Variants in PCDH15 observed in about 807,000 individuals in gnomAD.
The protein encoded by PCDH15 is protocadherin-15.
PCDH15 carries 129 observed loss-of-function variants against 178.5 expected under a neutral mutation model. That is an observed-to-expected ratio of 0.72 (90% CI 0.63 to 0.84). The LOEUF is 0.84. Among genes scored for constraint, PCDH15 ranks in the 40% least tolerant of loss-of-function variants. PCDH15 has a pLI of 0.00. For missense variants in PCDH15, 2,230 were observed against 2,099.9 expected, an observed-to-expected ratio of 1.06 and a Z score of -1.21; for synonymous variants, 800 against 732.0, an observed-to-expected ratio of 1.09 and a Z score of -1.50.
chr10:54,134,764 A>C (rs2133086286), intron 14 of PCDH15, among the ~76,000 whole-genome samples: 1 of 151,810 alleles, frequency 6.6e-6, no homozygotes, highest in East Asian at 1.9e-4. Flanking sequence ...AAAAAAGAAA[A>C]AAAAAAAAAA....
At chr10:54,501,975 A>G (rs2080737011) in intron 3 of PCDH15, among the ~76,000 whole-genome samples, 1 of 151,916 alleles carries the variant, frequency 6.6e-6, no homozygotes, top group Non-Finnish European at 1.5e-5. Context: ...GCTCTTCTTA[A>G]TATAATATGT....
intron 2 of PCDH15, among the ~76,000 whole-genome samples, chr10:54,538,223 C>A (rs2084792966): frequency 6.6e-6 from 1 of 152,096 alleles, no homozygotes; most frequent in African/African-American, 2.4e-5. Context: ...CCTAGGCTTC[C>A]TTTTAAGATT....
At chr10:55,483,538 A>G (rs2132120559) in intron 2 of PCDH15, among the ~76,000 whole-genome samples, 1 of 151,962 alleles carries the variant, frequency 6.6e-6, no homozygotes, top group Admixed American at 6.6e-5. Flanking sequence ...GTGGGAGTGT[A>G]AATTAGTTCA....
intron 26 of PCDH15, among the ~76,000 whole-genome samples, chr10:53,877,177 G>A (rs2080309303): frequency 6.6e-6 from 1 of 151,864 alleles, no homozygotes; most frequent in African/African-American, 2.4e-5. Context: ...TTTTAAAAAT[G>A]TTTTGTAAAA....
At position 53,822,468 on chromosome 10, in the gene PCDH15, A is replaced by G. The variant is rs544669765; in HGVS notation, c.4368-2238T>C. 2.5e-6 allele frequency: 4 copies of G among 1,605,276 alleles called. No homozygotes were observed. ...AGCAGGAGGAGGAGAAGGAGGAGAA[A>G]TAGGAGGAGGAGGGGGAAGGGGACA... is the stretch of plus-strand genomic sequence containing the variant. On this transcript the variant is annotated intron_variant, in intron 32 of 37. Transcript: ENST00000644397.
At chr10:55,064,435 C>T (rs1043788301) in intron 2 of PCDH15, among the ~76,000 whole-genome samples, 1 of 152,054 alleles carries the variant, frequency 6.6e-6, no homozygotes, top group South Asian at 2.1e-4. Context: ...ATCCCTTGCA[C>T]GTGCCTGAAA....
At chr10:55,050,904 A>G (rs1444986952) in intron 2 of PCDH15, among the ~76,000 whole-genome samples, 2 of 152,100 alleles carry the variant, frequency 1.3e-5, no homozygotes, top group Non-Finnish European at 1.5e-5. Context: ...AGTACTGTCA[A>G]CATTTAATGC....
At chr10:54,716,165 T>A (rs2095477551) in intron 1 of PCDH15, among the ~76,000 whole-genome samples, 1 of 152,106 alleles carries the variant, frequency 6.6e-6, no homozygotes, top group South Asian at 2.1e-4. Context: ...CTCAGTCTGG[T>A]CCCACACATC....
chr10:54,399,090 C>G (rs1052014121), intron 3 of PCDH15, among the ~76,000 whole-genome samples: 5 of 152,036 alleles, frequency 3.3e-5, no homozygotes, highest in African/African-American at 1.2e-4. Context: ...CAACAACTCT[C>G]TCTTAGAAGG....
At chr10:55,101,088 A>AT (rs532437845) in intron 2 of PCDH15, among the ~76,000 whole-genome samples, 2 of 152,040 alleles carry the variant, frequency 1.3e-5, no homozygotes, top group East Asian at 3.9e-4. Context: ...GGATTAAAAT[A>AT]TTTTTATGGG....
chr10:54,361,817 T>G (rs1946095958), intron 5 of PCDH15, among the ~76,000 whole-genome samples: 2 of 152,122 alleles, frequency 1.3e-5, no homozygotes, highest in African/African-American at 4.8e-5. Context: ...ATATGAATTT[T>G]CAAAATCGCA....
rs2094143362 is a variant in PCDH15 at position 54,066,752 on chromosome 10, C to G, written c.2220+5G>C. 1.2e-6 allele frequency: 2 copies of G among 1,612,500 alleles called. No individual in the cohort carries two copies. The highest frequency in any genetic ancestry group is 1.7e-6 in the Non-Finnish European group (2 of 1,179,022). ...ATATAAGATCTATATAAATATTCCA[C>G]TTACTTTTACTTGACCCACAAAGGC... On this transcript the variant is annotated splice_donor_5th_base_variant and intron_variant, in intron 18 of 37. Coordinates refer to ENST00000644397, the MANE Select transcript of PCDH15 (RefSeq NM_001384140.1).
intron 2 of PCDH15, among the ~76,000 whole-genome samples, chr10:55,607,052 A>G (rs1455444176): frequency 3.9e-5 from 6 of 152,136 alleles, no homozygotes; most frequent in African/African-American, 1.4e-4. Flanking sequence ...AATTTACAAG[A>G]AAAAAACAAA....
chr10:55,514,612 G>A (rs1466176059), intron 2 of PCDH15, among the ~76,000 whole-genome samples: 1 of 152,152 alleles, frequency 6.6e-6, no homozygotes, highest in African/African-American at 2.4e-5. Context: ...GACTGAGTGG[G>A]GAAACCCAGC....
intron 3 of PCDH15, among the ~76,000 whole-genome samples, chr10:54,465,044 A>C (rs1487630556): frequency 6.6e-6 from 1 of 152,102 alleles, no homozygotes; most frequent in Non-Finnish European, 1.5e-5. Context: ...ATTTGTCTGC[A>C]ATATATTTCC....
chr10:54,815,224 G>A (rs546222532), intron 3 of PCDH15, among the ~76,000 whole-genome samples: 2 of 151,336 alleles, frequency 1.3e-5, no homozygotes, highest in South Asian at 4.2e-4. Context: ...TAAGAAAAAA[G>A]TATGGCATGA....
chr10:54,123,895 CAGAAAT>C (rs1385109291), intron 15 of PCDH15, among the ~76,000 whole-genome samples: 1 of 152,076 alleles, frequency 6.6e-6, no homozygotes, highest in Non-Finnish European at 1.5e-5. Flanking sequence ...TGAATTAACA[CAGAAAT>C]AGAACAACAA....
intron 8 of PCDH15, among the ~76,000 whole-genome samples, chr10:54,291,628 A>G (rs1005314617): frequency 3.3e-5 from 5 of 152,226 alleles, no homozygotes; most frequent in African/African-American, 1.2e-4. Context: ...ATAAAAAATG[A>G]CAAAGTGGAT....
chr10:54,172,262 G>C (rs1034835565), intron 13 of PCDH15, among the ~76,000 whole-genome samples: 10 of 151,878 alleles, frequency 6.6e-5, no homozygotes, highest in African/African-American at 2.2e-4. Flanking sequence ...TCCTTTTCCT[G>C]GCTCATCCTG....
Sources: allele counts gnomAD v4.1 joint callset (sites outside exome capture counted in the v4.1 genomes callset), GRCh38; gene constraint gnomAD v4.1.1; transcripts MANE v1.5; gene names NCBI Gene and HGNC (gene_info 2026-07-23, HGNC 2026-07-21).